ABR: variants seen among roughly 807,000 people sequenced by gnomAD.
ABR encodes the protein ABR activator of RhoGEF and GTPase.
In ABR, 35 loss-of-function variants were observed where a neutral mutation model predicts 107.2. That is an observed-to-expected ratio of 0.33 (90% confidence interval 0.25 to 0.43). The LOEUF is 0.43. Ranked by LOEUF, ABR falls within the 20% of genes least tolerant of loss-of-function variation. ABR has a pLI of 1.00. For synonymous variants in ABR, 498 were observed against 462.0 expected, an observed-to-expected ratio of 1.08 and a Z score of -1.00; for missense variants, 815 against 1,115.2, an observed-to-expected ratio of 0.73 and a Z score of 3.83.
intron 1 of ABR, chr17:1,125,742 ATT>A: frequency 3.5e-6 from 1 of 285,804 alleles, no homozygotes; most frequent in Non-Finnish European, 6.4e-6. Context: ...CTGAGTCACC[ATT>A]TTGCTTTTTA....
At chr17:1,040,429 C>A (rs547585756) in intron 16 of ABR, among the ~76,000 whole-genome samples, 1 of 152,372 alleles carries the variant, frequency 6.6e-6, no homozygotes, top group Admixed American at 6.5e-5. Flanking sequence ...CTCAGAGCTG[C>A]CGTGCTGGGT....
rs894628 is a variant in ABR, at chr17:1,037,830, T to C, written c.1791+12220A>G. On this transcript the variant is annotated intron_variant, in intron 16 of 22. Transcript: ENST00000302538. This position sits in a 1 kb window ranked among gnomAD's most constrained non-coding sequence, Gnocchi z 4.6. ...CCCTTCCACCCAAGCTCCGAGCTCATGGTGGCCAGAAGCAAAGCCCTGGGA... is the reference window on the plus strand; with the variant it reads ...CCCTTCCACCCAAGCTCCGAGCTCACGGTGGCCAGAAGCAAAGCCCTGGGA... 0.65 allele frequency among the ~76,000 whole-genome samples: 99,221 copies of C among 151,902 alleles called. 32,855 individuals carry two copies. Among genetic ancestry groups the C allele is most frequent in the African/African-American group, 0.71 (29,442 of 41,460 alleles).
chr17:1,083,780 A>G (rs544650196), intron 4 of ABR, 153 bp from the exon 5 acceptor site: 2 of 657,546 alleles, frequency 3.0e-6, no homozygotes, highest in East Asian at 5.5e-5. Context: ...AGGGATGAAC[A>G]TATTACAGTG....
At chr17:1,113,507 G>A (rs900380053) in intron 2 of ABR, among the ~76,000 whole-genome samples, 2 of 151,796 alleles carry the variant, frequency 1.3e-5, no homozygotes, top group African/African-American at 2.4e-5. Context: ...GGCTGGTCTC[G>A]AACCCCTGAC....
intron 16 of ABR, among the ~76,000 whole-genome samples, chr17:1,022,120 A>AAACAAAAACAAAAAC (rs1555534384): frequency 3.4e-5 from 4 of 118,388 alleles, no homozygotes; most frequent in African/African-American, 1.5e-4. Context: ...AAAAAAAAAA[A>AAACAAAAACAAAAAC]AAAAACAGAA....
At chr17:1,163,211 A>G (rs891267251) in intron 1 of ABR, among the ~76,000 whole-genome samples, 12 of 152,258 alleles carry the variant, frequency 7.9e-5, no homozygotes, top group African/African-American at 2.9e-4. Context: ...AGTGCCTGCA[A>G]CAGTGTAGGA....
At chr17:1,033,314 G>T (rs79484744) in intron 16 of ABR, among the ~76,000 whole-genome samples, 6,126 of 152,276 alleles carry the variant, frequency 0.04, 400 homozygotes, top group African/African-American at 0.14. Flanking sequence ...GTCCTTCGTG[G>T]AAGGCTGGCA....
chr17:1,018,820 C>T (rs1010822706), intron 16 of ABR, among the ~76,000 whole-genome samples: 3 of 152,220 alleles, frequency 2.0e-5, no homozygotes, highest in Non-Finnish European at 4.4e-5. Flanking sequence ...CACACAGCAT[C>T]TGCGTTCATG....
rs879865551 is a variant in ABR, at chr17:1,060,138, C to T, written c.1183-1271G>A. The stretch of plus-strand genomic sequence containing the variant: ...AAAAAGAATCTGATACTGCCAGGCG[C>T]GGTGGCTCACGCCTGTAATCCCAGC... On this transcript the variant is annotated intron_variant, in intron 10 of 22. Coordinates refer to ENST00000302538, the MANE Select transcript of ABR (RefSeq NM_021962.5). 3.3e-5 allele frequency among the ~76,000 whole-genome samples: 5 copies of T among 152,180 alleles called. No homozygotes were observed. In the South Asian group the frequency reaches 6.2e-4, roughly 19 times the overall value.
chr17:1,207,555 A>G (rs1271813908), intron 1 of ABR, among the ~76,000 whole-genome samples: 2 of 147,970 alleles, frequency 1.4e-5, no homozygotes, highest in African/African-American at 5.0e-5. Context: ...AGGCTGAGCC[A>G]GGAGAATTGC....
chr17:1,193,054 A>C (rs1045514616), intron 1 of ABR, among the ~76,000 whole-genome samples: 30 of 152,314 alleles, frequency 2.0e-4, no homozygotes, highest in African/African-American at 7.2e-4. Flanking sequence ...ATCTCAAAAC[A>C]AAAAACAAAA....
At chr17:1,211,956 C>G (rs1179446490) in intron 1 of ABR, among the ~76,000 whole-genome samples, 1 of 151,862 alleles carries the variant, frequency 6.6e-6, no homozygotes, top group Non-Finnish European at 1.5e-5. Flanking sequence ...GTGGCACAAG[C>G]CTGTAATCCC....
At chr17:1,189,350 CTT>C (rs202096936), upstream of ABR, among the ~76,000 whole-genome samples, 60 of 137,662 alleles carry the variant, frequency 4.4e-4, no homozygotes, top group African/African-American at 9.7e-4. Flanking sequence ...CTATGGCTTC[CTT>C]TTTTTTTTTT....
At position 1,005,353 on chromosome 17, in the gene ABR, C is replaced by G. The variant is rs1004436359; in HGVS notation, c.*727G>C. ...CCAAACGGAAAATTCCAGAAATGGG[C>G]GCTCCAGCTCTGTGCTAAGCTGGGG... On this transcript the variant is annotated 3_prime_UTR_variant, in exon 23 of 23. Coordinates refer to ENST00000302538, the MANE Select transcript of ABR (RefSeq NM_021962.5). The G allele has an allele frequency of 2.6e-6, 1 of 391,730 alleles. No homozygotes were observed. The highest frequency in any genetic ancestry group is 4.5e-6 in the Non-Finnish European group (1 of 222,262). The allele number at this position is 391,730 out of a possible 1,614,324, so 24.3% of individuals were successfully genotyped here.
Position 1,073,613 on chromosome 17 carries a change from C to T in ABR, c.753+12G>A. On this transcript the variant is annotated intron_variant, in intron 7 of 22. Transcript: ENST00000302538. ...TAAGCCCTCTCTGGCCATTCGGAGG[C>T]TTGACACTCACGTGTAGGACTAGGG... is the stretch of plus-strand genomic sequence containing the variant. 1 of 1,572,828 alleles carries T rather than the reference C, an allele frequency of 6.4e-7. No homozygotes were observed. The highest frequency in any genetic ancestry group is 1.2e-5 in the South Asian group (1 of 85,422).
At chr17:1,170,852 C>A (rs1173768450) in intron 1 of ABR, among the ~76,000 whole-genome samples, 1 of 152,174 alleles carries the variant, frequency 6.6e-6, no homozygotes, top group Non-Finnish European at 1.5e-5. Flanking sequence ...GATGAGGTTT[C>A]TATCTATGTC....
At chr17:1,087,545 G>A (rs1036570569) in intron 4 of ABR, among the ~76,000 whole-genome samples, 2 of 151,856 alleles carry the variant, frequency 1.3e-5, no homozygotes, top group African/African-American at 4.8e-5. Context: ...TTTAAAAGAG[G>A]GCGGGGCCTG....
chr17:1,037,318 T>C lies in ABR; in HGVS notation c.1791+12732A>G, dbSNP rs898869275. 6.6e-6 allele frequency among the ~76,000 whole-genome samples: 1 copy of C among 152,108 alleles called. No homozygotes were observed. The highest frequency in any genetic ancestry group is 1.5e-5 in the Non-Finnish European group (1 of 68,034). On this transcript the variant is annotated intron_variant, in intron 16 of 22. Coordinates refer to ENST00000302538, the MANE Select transcript of ABR (RefSeq NM_021962.5). The surrounding 1 kb of genome is among the most constrained non-coding windows in gnomAD (Gnocchi z 4.6). ...TAGGGCAGTCCCGAGTACGTGCTGC[T>C]TCTCACACAGCTCCAGCCTCCCTCT...
At chr17:1,177,578 G>A (rs1303995982) in intron 1 of ABR, among the ~76,000 whole-genome samples, 1 of 152,182 alleles carries the variant, frequency 6.6e-6, no homozygotes, top group Non-Finnish European at 1.5e-5. Flanking sequence ...TCCAGGCGTG[G>A]GAGGAAGAGG....
Sources: allele counts gnomAD v4.1 joint callset (sites outside exome capture counted in the v4.1 genomes callset), GRCh38; gene constraint gnomAD v4.1.1; non-coding constraint Gnocchi (gnomAD v3.1); transcripts MANE v1.5; gene names NCBI Gene and HGNC (gene_info 2026-07-23, HGNC 2026-07-21).